ARMC2: variants seen among roughly 807,000 people sequenced by gnomAD.
The protein encoded by ARMC2 is armadillo repeat-containing protein 2.
Under a neutral mutation model 90.3 loss-of-function variants are expected in ARMC2, and 67 were observed. The observed-to-expected ratio is 0.74, with a 90% CI of 0.61 to 0.91. The LOEUF (loss-of-function observed/expected upper bound fraction) is 0.91, where lower values mean the gene tolerates loss of function less well. ARMC2 is among the 40% of genes least tolerant of loss of function. The probability of loss-of-function intolerance (pLI) is 0.00; values close to 1 mark genes in which losing one functional copy is unlikely to be tolerated. For synonymous variants in ARMC2, 393 were observed against 393.0 expected (o/e 1.00, Z 0.00); for missense variants, 920 against 1,030.9 (o/e 0.89, Z 1.47).
chr6:109,036,328 T>C, the ARMC2 span, among the ~76,000 whole-genome samples: 1 of 152,238 alleles, frequency 6.6e-6, no homozygotes, highest in Admixed American at 6.5e-5. Flanking sequence ...AGTGAAAAAG[T>C]AAGTTCAGAG....
intron 4 of ARMC2, among the ~76,000 whole-genome samples, chr6:108,874,593 C>G (rs759454206): frequency 3.3e-5 from 5 of 152,140 alleles, no homozygotes; most frequent in Admixed American, 3.3e-4. Context: ...TTTGAGCGTG[C>G]TAGCACCATG....
In ARMC2 at chr6:108,874,190, C is replaced by T. The variant is rs76849369; in HGVS notation, c.464-1953C>T. On this transcript the variant is annotated intron_variant, in intron 4 of 17. Coordinates refer to ENST00000392644, the MANE Select transcript of ARMC2 (RefSeq NM_032131.6). ...TCATCAGGAATGAGAGTGAGCCCCC[C>T]AGGGCAGCTCTTCGTTGTAGTAATA... Among the ~76,000 whole-genome samples the T allele has an allele frequency of 4.3e-3, 658 of 152,278 alleles. 5 individuals carry two copies. Among genetic ancestry groups the T allele is most frequent in the African/African-American group, 0.015 (632 of 41,540 alleles).
At chr6:108,937,696 T>G (rs1004858333) in intron 12 of ARMC2, among the ~76,000 whole-genome samples, 1 of 152,164 alleles carries the variant, frequency 6.6e-6, no homozygotes, top group African/African-American at 2.4e-5. Context: ...TATTTTTATT[T>G]TTATTTTTTT....
At chr6:108,925,224 A>T (rs1774994280) in intron 10 of ARMC2, among the ~76,000 whole-genome samples, 1 of 152,044 alleles carries the variant, frequency 6.6e-6, no homozygotes, top group East Asian at 1.9e-4. Context: ...TTCATCCATT[A>T]TTTTTTACTC....
the ARMC2 span, chr6:109,009,513 G>A: frequency 4.0e-5 from 48 of 1,198,882 alleles, no homozygotes; most frequent in Non-Finnish European, 4.8e-5. Flanking sequence ...CTGGGCAGCC[G>A]GCCGCGGCTC....
the ARMC2 span, chr6:109,009,640 A>G: frequency 1.2e-6 from 1 of 857,762 alleles, no homozygotes. Flanking sequence ...CACGCAAGCC[A>G]ATGCGGGCTC....
At chr6:109,044,024 CAAAG>C in the ARMC2 span, among the ~76,000 whole-genome samples, 2 of 152,042 alleles carry the variant, frequency 1.3e-5, no homozygotes, top group Middle Eastern at 6.8e-3. Flanking sequence ...TTATTGTTAA[CAAAG>C]AAGTGGCCAG....
intron 5 of ARMC2, among the ~76,000 whole-genome samples, chr6:108,880,877 G>A (rs1409091408): frequency 7.5e-6 from 1 of 132,488 alleles, no homozygotes; most frequent in Non-Finnish European, 1.6e-5. Flanking sequence ...TTCTTTTTTT[G>A]ACAGAGTCTA....
the ARMC2 span, chr6:109,009,345 C>T: frequency 1.4e-6 from 2 of 1,469,856 alleles, no homozygotes; most frequent in Non-Finnish European, 9.0e-7. Context: ...CCGCTCAGCC[C>T]CTCGCCCAGG....
the ARMC2 span, chr6:108,998,397 C>T: frequency 8.2e-7 from 1 of 1,213,970 alleles, no homozygotes; most frequent in Middle Eastern, 2.8e-4. Context: ...ATATAGGGGC[C>T]CAATATCTCC....
At chr6:108,853,263 G>A (rs1562314960) in intron 1 of ARMC2, among the ~76,000 whole-genome samples, 1 of 152,154 alleles carries the variant, frequency 6.6e-6, no homozygotes, top group Non-Finnish European at 1.5e-5. Flanking sequence ...CTGTTGTTAT[G>A]TAACAATGTT....
At chr6:108,924,524 G>C (rs1012725918) in intron 10 of ARMC2, among the ~76,000 whole-genome samples, 5 of 152,102 alleles carry the variant, frequency 3.3e-5, no homozygotes, top group African/African-American at 4.8e-5. Context: ...GAGATGGCCC[G>C]GGGGAGAAGG....
At chr6:108,894,634 T>C in intron 6 of ARMC2, 91 bp downstream of exon 6, 1 of 1,140,730 alleles carries the variant, frequency 8.8e-7, no homozygotes, top group Non-Finnish European at 1.2e-6. Context: ...CACTGGAAAC[T>C]TAAGGAAGTT....
At chr6:108,993,190 G>C in the ARMC2 span, among the ~76,000 whole-genome samples, 1 of 151,930 alleles carries the variant, frequency 6.6e-6, no homozygotes, top group Non-Finnish European at 1.5e-5. Context: ...TATTAGGTTC[G>C]ACTTATTCAA....
chr6:108,935,918 G>A (rs892180967), intron 11 of ARMC2, among the ~76,000 whole-genome samples: 2 of 152,140 alleles, frequency 1.3e-5, no homozygotes, highest in African/African-American at 4.8e-5. Flanking sequence ...ACCAGAGAAT[G>A]TGGTCTTTGA....
At chr6:108,898,065 C>T (rs1447270498) in intron 6 of ARMC2, among the ~76,000 whole-genome samples, 2 of 151,910 alleles carry the variant, frequency 1.3e-5, no homozygotes, top group African/African-American at 2.4e-5. Context: ...CCATTGTTAC[C>T]CCATTTTACA....
chr6:108,862,025 T>TG (rs1775295321), intron 3 of ARMC2, among the ~76,000 whole-genome samples: 1 of 152,094 alleles, frequency 6.6e-6, no homozygotes, highest in Non-Finnish European at 1.5e-5. Context: ...TCCATACCTC[T>TG]GAATGGTTGG....
At chr6:108,970,461 TTTTC>T (rs1382228180) in intron 17 of ARMC2, among the ~76,000 whole-genome samples, 2 of 151,486 alleles carry the variant, frequency 1.3e-5, no homozygotes, top group Non-Finnish European at 2.9e-5. Context: ...ACAGAATGCA[TTTTC>T]TTTCTTTCTT....
chr6:108,937,071 G>C (rs960376832), intron 12 of ARMC2, 72 bp downstream of exon 12: 2 of 1,317,106 alleles, frequency 1.5e-6, no homozygotes, highest in Non-Finnish European at 2.1e-6. Context: ...CATGTTAAAT[G>C]TCTTTATGTT....
Sources: allele counts gnomAD v4.1 joint callset (sites outside exome capture counted in the v4.1 genomes callset), GRCh38; gene constraint gnomAD v4.1.1; transcripts MANE v1.5; gene names NCBI Gene and HGNC (gene_info 2026-07-23, HGNC 2026-07-21).